ARHGAP10: variants seen among roughly 807,000 people sequenced by gnomAD.
ARHGAP10 encodes the protein rho GTPase-activating protein 10.
Under a neutral mutation model 108.6 loss-of-function variants are expected in ARHGAP10, and 87 were observed. The observed-to-expected ratio is 0.80, with a 90% CI of 0.67 to 0.96. ARHGAP10 has a LOEUF of 0.96. ARHGAP10 is among the 40% of genes least tolerant of loss of function. The pLI, the probability that ARHGAP10 is intolerant of heterozygous loss-of-function variation, is 0.00. For missense variants in ARHGAP10, 939 were observed against 954.5 expected, an observed-to-expected ratio of 0.98 and a Z score of 0.21; for synonymous variants, 347 against 341.1, an observed-to-expected ratio of 1.02 and a Z score of -0.19.
chr4:147,825,161 C>T (rs545710931), intron 3 of ARHGAP10, among the ~76,000 whole-genome samples: 2 of 118,168 alleles, frequency 1.7e-5, no homozygotes, highest in Non-Finnish European at 3.5e-5. Flanking sequence ...TAAAAAGTGA[C>T]AGAGGGCTGG....
At chr4:147,751,796 G>T (rs561287597) in intron 1 of ARHGAP10, among the ~76,000 whole-genome samples, 1 of 151,850 alleles carries the variant, frequency 6.6e-6, no homozygotes, top group African/African-American at 2.4e-5. Context: ...ATTTAAGAAC[G>T]TGGGTTTAGA....
At chr4:147,832,356 T>TA (rs202203399) in intron 3 of ARHGAP10, among the ~76,000 whole-genome samples, 1 of 147,434 alleles carries the variant, frequency 6.8e-6, no homozygotes, top group African/African-American at 2.5e-5. Context: ...TTTTTTTTTT[T>TA]AAAAAGAGGA....
rs758962724 is a variant in ARHGAP10, at chr4:147,732,274, TGCGCACCGCGCAGCGACCGC to T, written c.-27_-8del. 3.3e-4 allele frequency: 510 copies of T among 1,562,420 alleles called. No homozygotes were observed. Among genetic ancestry groups the T allele is most frequent in the Non-Finnish European group, 4.3e-4 (499 of 1,160,760 alleles). On this transcript the variant is annotated 5_prime_UTR_variant, in exon 1 of 23. Transcript: ENST00000336498. ...CGGCTCGGGCAGGAGCGCGCGGCCG[TGCGCACCGCGCAGCGACCGC>T]TGCCGTCATGGGGCTGCAGCCCCTG... is the stretch of plus-strand genomic sequence containing the variant.
rs1033451147 is a variant in ARHGAP10 at position 147,732,468 on chromosome 4, G to T, written c.154+13G>T. The T allele has an allele frequency of 8.7e-6, 14 of 1,609,818 alleles. No individual in the cohort carries two copies. The African/African-American group carries it at 1.7e-4, about 20-fold the overall frequency. The stretch of plus-strand genomic sequence containing the variant: ...GCTGCGACGAAAAGTAAGCGGGGAC[G>T]CGGGCGCGGACGGGCTGCGGCGTGG... On this transcript the variant is annotated intron_variant, in intron 1 of 22. Coordinates refer to ENST00000336498, the MANE Select transcript of ARHGAP10 (RefSeq NM_024605.4).
At chr4:148,044,825 A>T (rs914470840) in intron 19 of ARHGAP10, among the ~76,000 whole-genome samples, 5 of 152,200 alleles carry the variant, frequency 3.3e-5, no homozygotes, top group African/African-American at 1.2e-4. Context: ...ATACATTAAA[A>T]GGAAATCATA....
chr4:147,896,879 C>T (rs988396598), intron 10 of ARHGAP10, among the ~76,000 whole-genome samples: 1 of 151,988 alleles, frequency 6.6e-6, no homozygotes, highest in Non-Finnish European at 1.5e-5. Context: ...TTTAAAAATT[C>T]CAAATGGCTG....
chr4:147,764,899 C>T (rs1486502159), intron 1 of ARHGAP10, among the ~76,000 whole-genome samples: 3 of 152,146 alleles, frequency 2.0e-5, no homozygotes, highest in Non-Finnish European at 4.4e-5. Context: ...GTTTATTTTT[C>T]AGTAACATGC....
intron 19 of ARHGAP10, among the ~76,000 whole-genome samples, chr4:148,046,278 A>G (rs1227718834): frequency 6.6e-6 from 1 of 152,222 alleles, no homozygotes; most frequent in Non-Finnish European, 1.5e-5. Context: ...TTAAAAAAAA[A>G]TTTAGCTTTG....
intron 13 of ARHGAP10, among the ~76,000 whole-genome samples, chr4:147,937,394 A>G (rs1334618308): frequency 6.6e-6 from 1 of 151,862 alleles, no homozygotes; most frequent in Non-Finnish European, 1.5e-5. Flanking sequence ...TTTTTTTTTC[A>G]AGACCTTATT....
intron 1 of ARHGAP10, among the ~76,000 whole-genome samples, chr4:147,739,186 C>CAAAAAA (rs59965552): frequency 4.3e-5 from 3 of 69,932 alleles, no homozygotes; most frequent in African/African-American, 8.8e-5. Context: ...GACTCTGTCT[C>CAAAAAA]AAAAAAAAAA....
intron 18 of ARHGAP10, among the ~76,000 whole-genome samples, chr4:148,019,007 A>G (rs995603192): frequency 6.6e-6 from 1 of 152,276 alleles, no homozygotes; most frequent in South Asian, 2.1e-4. Context: ...AATGTATTCA[A>G]TGAATTAGGA....
chr4:147,895,034 C>G (rs764408541), intron 10 of ARHGAP10, among the ~76,000 whole-genome samples: 1 of 152,028 alleles, frequency 6.6e-6, no homozygotes, highest in Non-Finnish European at 1.5e-5. Context: ...TATAAGAAAA[C>G]CCCCAAAACC....
rs141129371 is a variant in ARHGAP10, at chr4:148,008,443, G to A, written c.1717-14820G>A. Among the ~76,000 whole-genome samples, 4 of 151,708 alleles carry A rather than the reference G, an allele frequency of 2.6e-5. No individual in the cohort carries two copies. In the East Asian group the frequency reaches 7.7e-4, roughly 29 times the overall value. ...TGGCCCGAAGGGGACATTTGGTAGT[G>A]TCTAGAGACAGTTTTGGTGATCCCC... On this transcript the variant is annotated intron_variant, in intron 18 of 22. Coordinates refer to ENST00000336498, the MANE Select transcript of ARHGAP10 (RefSeq NM_024605.4).
chr4:147,824,180 G>A (rs1732613512), intron 3 of ARHGAP10, among the ~76,000 whole-genome samples: 1 of 152,198 alleles, frequency 6.6e-6, no homozygotes, highest in South Asian at 2.1e-4. Context: ...AAATTAGCTG[G>A]GTGTGGTGGC....
chr4:147,998,769 GA>G (rs1740579344), intron 18 of ARHGAP10, among the ~76,000 whole-genome samples: 2 of 152,182 alleles, frequency 1.3e-5, no homozygotes, highest in African/African-American at 2.4e-5. Flanking sequence ...ATTAATTCGT[GA>G]TACCATACTT....
intron 9 of ARHGAP10, among the ~76,000 whole-genome samples, chr4:147,880,798 C>T (rs181560623): frequency 6.6e-6 from 1 of 152,170 alleles, no homozygotes; most frequent in East Asian, 1.9e-4. Context: ...AATATTTAAT[C>T]TAGGGTTATC....
chr4:148,009,688 A>G (rs1741096855), intron 18 of ARHGAP10, among the ~76,000 whole-genome samples: 1 of 152,150 alleles, frequency 6.6e-6, no homozygotes, highest in South Asian at 2.1e-4. Flanking sequence ...CCAGATGGTC[A>G]CCGTTTTTTA....
chr4:147,803,020 T>G (rs994063122), intron 1 of ARHGAP10, among the ~76,000 whole-genome samples: 1 of 152,132 alleles, frequency 6.6e-6, no homozygotes, highest in Non-Finnish European at 1.5e-5. Flanking sequence ...TATTGCTTTT[T>G]TTTTTTGAGA....
At chr4:147,947,407 TC>T (rs1738428608) in intron 15 of ARHGAP10, among the ~76,000 whole-genome samples, 1 of 151,956 alleles carries the variant, frequency 6.6e-6, no homozygotes, top group South Asian at 2.1e-4. Context: ...TAGGACCAGT[TC>T]TTTTTTTTTT....
Sources: gnomAD v4.1 joint callset for allele counts (sites outside exome capture counted in the v4.1 genomes callset) on GRCh38, gnomAD v4.1.1 for gene constraint, MANE v1.5 for transcripts, NCBI Gene and HGNC (gene_info 2026-07-23, HGNC 2026-07-21) for gene names.